The following LOC128092253 variants were observed in gnomAD, a reference collection of about 807,000 sequenced individuals.
the LOC128092253 span, among the ~76,000 whole-genome samples, chr6:133,957,181 CAAT>C: frequency 6.6e-6 from 1 of 152,006 alleles, no homozygotes; most frequent in Non-Finnish European, 1.5e-5. Flanking sequence ...AAAAAAAACT[CAAT>C]AGGGTGATTT....
chr6:133,961,061 T>C, the LOC128092253 span, among the ~76,000 whole-genome samples: 2 of 152,182 alleles, frequency 1.3e-5, no homozygotes, highest in African/African-American at 2.4e-5. Context: ...TAGTATAATA[T>C]ACCAGAAAGT....
the LOC128092253 span, among the ~76,000 whole-genome samples, chr6:133,972,805 C>T: frequency 6.6e-6 from 1 of 152,050 alleles, no homozygotes; most frequent in Non-Finnish European, 1.5e-5. Flanking sequence ...TCAGTAATAG[C>T]CACCATTTAA....
At chr6:133,953,616 G>T in the LOC128092253 span, among the ~76,000 whole-genome samples, 1 of 152,110 alleles carries the variant, frequency 6.6e-6, no homozygotes, top group African/African-American at 2.4e-5. Context: ...CCGAGGGAGG[G>T]CTCAGTTCTG....
At chr6:133,966,520 C>G in the LOC128092253 span, among the ~76,000 whole-genome samples, 1 of 152,158 alleles carries the variant, frequency 6.6e-6, no homozygotes, top group African/African-American at 2.4e-5. Flanking sequence ...TAACCTAGAC[C>G]TGTCCTGAGC....
chr6:133,965,629 CTG>C, the LOC128092253 span, among the ~76,000 whole-genome samples: 2 of 151,272 alleles, frequency 1.3e-5, no homozygotes, highest in Non-Finnish European at 2.9e-5. Context: ...TTTTAATTCA[CTG>C]TTAAATTTAG....
chr6:133,979,495 G>T, the LOC128092253 span, among the ~76,000 whole-genome samples: 1 of 152,160 alleles, frequency 6.6e-6, no homozygotes, highest in Non-Finnish European at 1.5e-5. Context: ...GTTTGTAGAG[G>T]TGAATAGCAG....
At chr6:133,958,183 T>C in the LOC128092253 span, among the ~76,000 whole-genome samples, 2 of 152,176 alleles carry the variant, frequency 1.3e-5, no homozygotes, top group Non-Finnish European at 2.9e-5. Flanking sequence ...AAATACTATT[T>C]CCCTGTGGAC....
chr6:133,958,852 GGTTTT>G, the LOC128092253 span, among the ~76,000 whole-genome samples: 1 of 152,044 alleles, frequency 6.6e-6, no homozygotes, highest in Non-Finnish European at 1.5e-5. Flanking sequence ...ATGTTGTGCT[GGTTTT>G]GTTTATTTGT....
chr6:133,961,693 T>C, the LOC128092253 span, among the ~76,000 whole-genome samples: 1 of 152,118 alleles, frequency 6.6e-6, no homozygotes, highest in Non-Finnish European at 1.5e-5. Context: ...CTTGAATCCC[T>C]GACCTCGTGA....
At chr6:133,973,567 C>T in the LOC128092253 span, among the ~76,000 whole-genome samples, 4 of 152,176 alleles carry the variant, frequency 2.6e-5, no homozygotes, top group East Asian at 5.8e-4. Context: ...TCGTAAAAGC[C>T]AGAAGGTGGC....
chr6:133,962,524 G>T, the LOC128092253 span, among the ~76,000 whole-genome samples: 2 of 152,238 alleles, frequency 1.3e-5, no homozygotes, highest in African/African-American at 2.4e-5. Context: ...TCCATTCACA[G>T]AATTACAAGG....
the LOC128092253 span, among the ~76,000 whole-genome samples, chr6:133,974,990 C>T: frequency 6.6e-6 from 1 of 152,006 alleles, no homozygotes; most frequent in Non-Finnish European, 1.5e-5. Flanking sequence ...AATGTTTATA[C>T]AAGAAAAGAC....
chr6:133,968,577 G>A, the LOC128092253 span, among the ~76,000 whole-genome samples: 3 of 152,206 alleles, frequency 2.0e-5, no homozygotes, highest in Non-Finnish European at 2.9e-5. Context: ...ATGGTATTGT[G>A]TTTTACAAAT....
At chr6:133,957,994 A>G in the LOC128092253 span, among the ~76,000 whole-genome samples, 1 of 152,156 alleles carries the variant, frequency 6.6e-6, no homozygotes, top group African/African-American at 2.4e-5. Context: ...TTCACTGACT[A>G]TTGGACTCAT....
the LOC128092253 span, among the ~76,000 whole-genome samples, chr6:133,966,068 C>G: frequency 8.4e-3 from 1,276 of 152,146 alleles, 36 homozygotes; most frequent in Admixed American, 0.062. Flanking sequence ...ACTTCAGAGA[C>G]AGAGAGAGAC....
chr6:133,975,989 A>G, the LOC128092253 span, among the ~76,000 whole-genome samples: 1 of 152,184 alleles, frequency 6.6e-6, no homozygotes, highest in East Asian at 1.9e-4. Context: ...CAAATGCTGT[A>G]TTTTTGGTGG....
the LOC128092253 span, among the ~76,000 whole-genome samples, chr6:133,971,702 T>TC: frequency 1.5e-3 from 235 of 152,298 alleles, 2 homozygotes; most frequent in African/African-American, 5.5e-3. Context: ...GAACATTTTT[T>TC]CATATACCTG....
At chr6:133,955,041 A>G in the LOC128092253 span, among the ~76,000 whole-genome samples, 1 of 152,176 alleles carries the variant, frequency 6.6e-6, no homozygotes, top group African/African-American at 2.4e-5. Flanking sequence ...ATTTTAAGAC[A>G]TTAAGAAGAA....
the LOC128092253 span, among the ~76,000 whole-genome samples, chr6:133,971,255 C>G: frequency 6.6e-6 from 1 of 152,040 alleles, no homozygotes; most frequent in Non-Finnish European, 1.5e-5. Context: ...ACTAACGTCA[C>G]AAATGACAAG....
Sources: gnomAD v4.1 joint callset for allele counts (sites outside exome capture counted in the v4.1 genomes callset) on GRCh38, gnomAD v4.1.1 for gene constraint, MANE v1.5 for transcripts.